SOX6: variants seen among roughly 807,000 people sequenced by gnomAD.
SOX6 encodes the protein transcription factor SOX-6.
In SOX6, 11 loss-of-function variants were observed where a neutral mutation model predicts 97.8. The observed-to-expected ratio is 0.11, with a 90% CI of 0.07 to 0.19. The LOEUF (loss-of-function observed/expected upper bound fraction) is 0.19. SOX6 is among the 10% of genes least tolerant of loss of function. The pLI, the probability that SOX6 is intolerant of heterozygous loss-of-function variation, is 1.00. For synonymous variants in SOX6, 360 were observed against 371.4 expected (o/e 0.97, Z 0.35); for missense variants, 810 against 1,039.5 (o/e 0.78, Z 3.04).
intron 2 of SOX6, among the ~76,000 whole-genome samples, chr11:16,733,723 T>TAAAAAAA (rs34111311): frequency 8.6e-6 from 1 of 116,690 alleles, no homozygotes. Flanking sequence ...ACTTAAAGTA[T>TAAAAAAA]AAAAAAAAAA....
intron 3 of SOX6, among the ~76,000 whole-genome samples, chr11:16,634,315 G>A (rs1848752897): frequency 6.7e-6 from 1 of 148,724 alleles, no homozygotes; most frequent in South Asian, 2.1e-4. Flanking sequence ...GCAATTAGAA[G>A]AAAAGAGAAG....
At chr11:16,361,549 T>C (rs1857211484) in intron 1 of SOX6, among the ~76,000 whole-genome samples, 1 of 152,192 alleles carries the variant, frequency 6.6e-6, no homozygotes, top group African/African-American at 2.4e-5. Flanking sequence ...TTCTGTGATT[T>C]ATGAAGCATC....
intron 3 of SOX6, among the ~76,000 whole-genome samples, chr11:16,706,472 AT>A (rs56368189): frequency 0.32 from 5,214 of 16,478 alleles, 2,085 homozygotes; most frequent in Non-Finnish European, 0.35. Flanking sequence ...AAAAAAAAAA[AT>A]ATATATATAT....
chr11:15,994,499 C>T (rs1854164370), intron 13 of SOX6, among the ~76,000 whole-genome samples: 1 of 149,958 alleles, frequency 6.7e-6, no homozygotes, highest in South Asian at 2.1e-4. Flanking sequence ...ACCAAATTTG[C>T]TAAGCACCTT....
intron 1 of SOX6, among the ~76,000 whole-genome samples, chr11:16,466,445 C>A (rs1272476624): frequency 6.6e-6 from 1 of 152,056 alleles, no homozygotes; most frequent in African/African-American, 2.4e-5. Flanking sequence ...TTATAGATCA[C>A]TGTTATAAAA....
intron 1 of SOX6, among the ~76,000 whole-genome samples, chr11:16,354,053 T>G (rs79982276): frequency 2.0e-4 from 30 of 151,926 alleles, no homozygotes; most frequent in Non-Finnish European, 4.1e-4. Context: ...CCAGGATCTA[T>G]TGCCAGAAGG....
chr11:16,178,830 C>A (rs573583184), intron 6 of SOX6, among the ~76,000 whole-genome samples: 1 of 151,924 alleles, frequency 6.6e-6, no homozygotes, highest in East Asian at 1.9e-4. Flanking sequence ...AGAAATACAA[C>A]CTAAGACAGA....
At chr11:16,075,300 C>G (rs533544410) in intron 9 of SOX6, among the ~76,000 whole-genome samples, 1 of 152,216 alleles carries the variant, frequency 6.6e-6, no homozygotes, top group African/African-American at 2.4e-5. Flanking sequence ...TCATGGTGGA[C>G]AGCAAAGGAG....
chr11:16,226,532 C>T lies in SOX6; in HGVS notation c.535+8050G>A, dbSNP rs111328271. Among the ~76,000 whole-genome samples, 857 of 152,186 alleles carry T rather than the reference C, an allele frequency of 5.6e-3. 8 individuals carry two copies. The highest frequency in any genetic ancestry group is 0.019 in the African/African-American group (778 of 41,530). ...GGCAGGCTGACTAAGATGATCTCAG[C>T]CATGAAGGTTAGACCCACTCAGGGA... On this transcript the variant is annotated intron_variant, in intron 4 of 15. Transcript: ENST00000683767.
At chr11:16,070,147 T>G (rs138642525) in intron 9 of SOX6, among the ~76,000 whole-genome samples, 1,841 of 152,128 alleles carry the variant, frequency 0.012, 36 homozygotes, top group African/African-American at 0.041. Flanking sequence ...AGAGTGAGAC[T>G]CCATCTCAAA....
intron 4 of SOX6, among the ~76,000 whole-genome samples, chr11:16,522,847 C>T (rs1183835469): frequency 6.6e-6 from 1 of 152,086 alleles, no homozygotes; most frequent in Non-Finnish European, 1.5e-5. Flanking sequence ...TCTGATAAAC[C>T]AGACTTTAAA....
intron 3 of SOX6, among the ~76,000 whole-genome samples, chr11:16,293,315 T>G (rs2134261737): frequency 6.6e-6 from 1 of 152,244 alleles, no homozygotes; most frequent in South Asian, 2.1e-4. Flanking sequence ...CTGTTGGAAC[T>G]AGCTACAGTG....
intron 2 of SOX6, among the ~76,000 whole-genome samples, chr11:16,339,589 T>G (rs747893629): frequency 5.3e-5 from 8 of 151,990 alleles, no homozygotes; most frequent in Non-Finnish European, 8.8e-5. Context: ...TCCTCACACA[T>G]AGCAAACATC....
chr11:15,989,048 T>C lies in SOX6; in HGVS notation c.1915A>G (p.Ile639Val), dbSNP rs747109659. The change falls in exon 14 of 16, where the codon ATC becomes GTC. Residue 639 changes from isoleucine (I) to valine (V), a missense_variant. Transcript: ENST00000683767. ...MVWAKDERRK[I>V]LQAFPDMHNS... The stretch of plus-strand genomic sequence containing the variant: ...TGCATGTCGGGGAAGGCCTGAAGGA[T>C]TTTTCTCCTCTCATCCTTTGCCCAA... The C allele has an allele frequency of 6.2e-7, 1 of 1,614,170 alleles. No individual in the cohort carries two copies. The highest frequency in any genetic ancestry group is 8.5e-7 in the Non-Finnish European group (1 of 1,180,002).
chr11:16,354,645 T>C (rs1349728897), intron 1 of SOX6, among the ~76,000 whole-genome samples: 1 of 151,932 alleles, frequency 6.6e-6, no homozygotes, highest in Non-Finnish European at 1.5e-5. Context: ...ATTATTAACC[T>C]CTTTCCTTGA....
intron 6 of SOX6, among the ~76,000 whole-genome samples, chr11:16,145,512 A>G (rs1207919466): frequency 6.6e-6 from 1 of 152,200 alleles, no homozygotes; most frequent in African/African-American, 2.4e-5. Flanking sequence ...GCAATCAGGC[A>G]GGAGAAAGAA....
intron 3 of SOX6, among the ~76,000 whole-genome samples, chr11:16,698,498 C>A (rs2134040024): frequency 6.6e-6 from 1 of 152,312 alleles, no homozygotes; most frequent in African/African-American, 2.4e-5. Flanking sequence ...GTTTTGGTTT[C>A]CTACCATTCT....
At chr11:16,055,046 C>T (rs1847779270) in intron 10 of SOX6, among the ~76,000 whole-genome samples, 1 of 152,050 alleles carries the variant, frequency 6.6e-6, no homozygotes, top group Non-Finnish European at 1.5e-5. Context: ...TATATGGCAT[C>T]AAAAGCGTTA....
At chr11:16,047,157 G>A (rs527265618) in intron 11 of SOX6, among the ~76,000 whole-genome samples, 15 of 152,036 alleles carry the variant, frequency 9.9e-5, no homozygotes, top group East Asian at 3.9e-4. Flanking sequence ...TTTCTGGCCC[G>A]CAGAAAAAAT....
Sources: gnomAD v4.1 joint callset for allele counts (sites outside exome capture counted in the v4.1 genomes callset) on GRCh38, gnomAD v4.1.1 for gene constraint, MANE v1.5 for transcripts, NCBI Gene and HGNC (gene_info 2026-07-23, HGNC 2026-07-21) for gene names.